The following ZFAND3 variants were observed in gnomAD, a reference collection of about 807,000 sequenced individuals.
The protein encoded by ZFAND3 is zinc finger AN1-type containing 3.
In ZFAND3, 10 loss-of-function variants were observed where a neutral mutation model predicts 29.6. That is an observed-to-expected ratio of 0.34 (90% CI 0.21 to 0.57). The LOEUF is 0.57. ZFAND3 is among the 20% of genes least tolerant of loss of function. The pLI is 0.86. For synonymous variants in ZFAND3, 128 were observed against 112.6 expected (o/e 1.14, Z -0.87); for missense variants, 230 against 304.5 (o/e 0.76, Z 1.82).
In ZFAND3 at chr6:38,073,073, A is replaced by G. The variant is rs116491603; in HGVS notation, c.296-9319A>G. Among the ~76,000 whole-genome samples the G allele has an allele frequency of 3.1e-3, 465 of 152,302 alleles. 3 individuals are homozygous for G. Among genetic ancestry groups the G allele is most frequent in the African/African-American group, 0.011 (443 of 41,562 alleles). On this transcript the variant is annotated intron_variant, in intron 3 of 5. Coordinates refer to ENST00000287218, the MANE Select transcript of ZFAND3 (RefSeq NM_021943.3). ...ATTTCTGTTTAGTGTCACTCATCATATTCCAGCTGTGGTACAGCTAGCTAT... is the reference window on the plus strand; with the variant it reads ...ATTTCTGTTTAGTGTCACTCATCATGTTCCAGCTGTGGTACAGCTAGCTAT...
chr6:37,921,769 G>A (rs1185467510), intron 1 of ZFAND3, among the ~76,000 whole-genome samples: 1 of 152,070 alleles, frequency 6.6e-6, no homozygotes. Flanking sequence ...GTGTTGGCCA[G>A]GTGCAGTGGC....
intron 2 of ZFAND3, among the ~76,000 whole-genome samples, chr6:37,959,824 C>T (rs944662099): frequency 7.9e-5 from 12 of 152,156 alleles, no homozygotes; most frequent in African/African-American, 2.9e-4. Flanking sequence ...ACAATTTAAA[C>T]TGCTTTCTTC....
intron 1 of ZFAND3, among the ~76,000 whole-genome samples, chr6:37,917,810 C>T (rs1480389921): frequency 6.6e-6 from 1 of 152,120 alleles, no homozygotes. Flanking sequence ...CTGACTCTTT[C>T]ACAAACTCCC....
chr6:37,854,964 G>GTTTTTTTTTTTTTTT, intron 1 of ZFAND3, among the ~76,000 whole-genome samples: 1 of 78,936 alleles, frequency 1.3e-5, no homozygotes, highest in Non-Finnish European at 2.5e-5. Context: ...AATAATAGGT[G>GTTTTTTTTTTTTTTT]TTTTTTTTTT....
intron 5 of ZFAND3, among the ~76,000 whole-genome samples, chr6:38,148,743 C>G (rs1474304682): frequency 6.6e-6 from 1 of 152,130 alleles, no homozygotes; most frequent in Admixed American, 6.5e-5. Flanking sequence ...CACCTCTACC[C>G]GCCATCCCCT....
intron 1 of ZFAND3, among the ~76,000 whole-genome samples, chr6:37,917,143 A>G (rs1274025129): frequency 1.3e-5 from 2 of 152,242 alleles, no homozygotes; most frequent in Admixed American, 6.5e-5. Context: ...AGAACACAGT[A>G]TATATAGAGT....
chr6:38,078,972 A>C (rs1052014719), intron 3 of ZFAND3, among the ~76,000 whole-genome samples: 2 of 152,190 alleles, frequency 1.3e-5, no homozygotes, highest in Non-Finnish European at 2.9e-5. Flanking sequence ...GCTGCAACCA[A>C]ATGTTACCCA....
At position 37,877,947 on chromosome 6, in the gene ZFAND3, G is replaced by A. The variant is rs144044378; in HGVS notation, c.72-52012G>A. 2.5e-3 allele frequency among the ~76,000 whole-genome samples: 379 copies of A among 152,304 alleles called. 1 individual carries two copies. In the South Asian group the frequency reaches 0.029, roughly 12 times the overall value. The stretch of plus-strand genomic sequence containing the variant: ...TTACACAATGCAAAAAGATCAATCT[G>A]GCTGCTTTCGTGGAGAACAGATTTT... On this transcript the variant is annotated intron_variant, in intron 1 of 5. Coordinates refer to ENST00000287218, the MANE Select transcript of ZFAND3 (RefSeq NM_021943.3).
intron 1 of ZFAND3, among the ~76,000 whole-genome samples, chr6:37,846,351 G>T (rs1764176714): frequency 6.6e-6 from 1 of 152,206 alleles, no homozygotes. Context: ...TGTTTGGAAG[G>T]CTTAGTTAGG....
chr6:37,882,206 C>T (rs1764909544), intron 1 of ZFAND3, among the ~76,000 whole-genome samples: 1 of 152,082 alleles, frequency 6.6e-6, no homozygotes, highest in South Asian at 2.1e-4. Flanking sequence ...TGTTTGTTTG[C>T]CATGTAGGCA....
chr6:37,866,129 G>A (rs914848500), intron 1 of ZFAND3, among the ~76,000 whole-genome samples: 7 of 152,054 alleles, frequency 4.6e-5, no homozygotes, highest in African/African-American at 1.7e-4. Context: ...GCTCTGTAGT[G>A]GCAACTCCTA....
intron 4 of ZFAND3, among the ~76,000 whole-genome samples, chr6:38,109,683 C>G (rs1158111841): frequency 1.3e-5 from 2 of 152,084 alleles, no homozygotes; most frequent in Non-Finnish European, 2.9e-5. Context: ...AAAACCTAAT[C>G]TCAGTCTTTA....
chr6:37,960,787 G>C (rs1388758613), intron 2 of ZFAND3, among the ~76,000 whole-genome samples: 1 of 151,602 alleles, frequency 6.6e-6, no homozygotes, highest in Non-Finnish European at 1.5e-5. Flanking sequence ...TACCCCTTGG[G>C]AAAAAAAATT....
intron 4 of ZFAND3, among the ~76,000 whole-genome samples, chr6:38,114,170 T>A (rs148458168): frequency 1.1e-4 from 17 of 152,346 alleles, no homozygotes; most frequent in African/African-American, 3.4e-4. Context: ...AAAAAACATT[T>A]TTTGTTACAG....
intron 2 of ZFAND3, among the ~76,000 whole-genome samples, chr6:37,991,301 TATTA>T (rs1030289847): frequency 6.6e-6 from 1 of 151,846 alleles, no homozygotes; most frequent in Non-Finnish European, 1.5e-5. Flanking sequence ...ATTTTTATTT[TATTA>T]ATTTAATTTA....
chr6:37,925,200 T>C (rs1344312451), intron 1 of ZFAND3, among the ~76,000 whole-genome samples: 2 of 152,084 alleles, frequency 1.3e-5, no homozygotes, highest in Non-Finnish European at 2.9e-5. Context: ...CCATAGCTGC[T>C]ATGTGGAAAA....
At chr6:38,123,066 T>C (rs1269708408) in intron 5 of ZFAND3, among the ~76,000 whole-genome samples, 1 of 152,226 alleles carries the variant, frequency 6.6e-6, no homozygotes, top group African/African-American at 2.4e-5. Flanking sequence ...TAGTTTTGAA[T>C]ACAGTCAACA....
chr6:37,860,060 T>C (rs1764455169), intron 1 of ZFAND3, among the ~76,000 whole-genome samples: 1 of 150,630 alleles, frequency 6.6e-6, no homozygotes, highest in South Asian at 2.1e-4. Flanking sequence ...TTTTTGTATT[T>C]TTTAGTAGAC....
chr6:38,152,558 T>C lies in ZFAND3; in HGVS notation c.*169T>C, dbSNP rs1254841286. On this transcript the variant is annotated 3_prime_UTR_variant, in exon 6 of 6. Transcript: ENST00000287218. ...ACTGTAGTTTAGGGGTTGATGGTGGTTGAAATTGATTTCTGGCTGGTTACT... is the reference window on the plus strand; with the variant it reads ...ACTGTAGTTTAGGGGTTGATGGTGGCTGAAATTGATTTCTGGCTGGTTACT... 2.3e-6 allele frequency: 3 copies of C among 1,279,120 alleles called. No individual in the cohort carries two copies. The highest frequency in any genetic ancestry group is 3.0e-5 in the African/African-American group (2 of 65,686). The allele number at this position is 1,279,120 out of a possible 1,614,324, so 79.2% of individuals were successfully genotyped here.
Sources: gnomAD v4.1 joint callset for allele counts (sites outside exome capture counted in the v4.1 genomes callset) on GRCh38, gnomAD v4.1.1 for gene constraint, MANE v1.5 for transcripts, NCBI Gene and HGNC (gene_info 2026-07-23, HGNC 2026-07-21) for gene names.